The following HIBADH variants were observed in gnomAD, a reference collection of about 807,000 sequenced individuals.
HIBADH encodes the protein 3-hydroxyisobutyrate dehydrogenase, mitochondrial.
HIBADH carries 25 observed loss-of-function variants against 36.1 expected under a neutral mutation model. That is an observed-to-expected ratio of 0.69 (90% CI 0.50 to 0.97). HIBADH has a LOEUF of 0.97. Ranked by LOEUF, HIBADH falls within the 50% of genes least tolerant of loss-of-function variation. The probability of loss-of-function intolerance (pLI) is 0.00; values close to 1 mark genes in which losing one functional copy is unlikely to be tolerated. For missense variants in HIBADH, 421 were observed against 418.0 expected, an observed-to-expected ratio of 1.01 and a Z score of -0.06; for synonymous variants, 160 against 149.5, an observed-to-expected ratio of 1.07 and a Z score of -0.51.
intron 4 of HIBADH, among the ~76,000 whole-genome samples, chr7:27,608,992 T>C (rs1202880377): frequency 6.6e-6 from 1 of 152,214 alleles, no homozygotes; most frequent in Non-Finnish European, 1.5e-5. Context: ...GGTTACTTGA[T>C]TGGAAATTAC....
intron 2 of HIBADH, among the ~76,000 whole-genome samples, chr7:27,642,164 T>TA (rs2128295947): frequency 6.6e-6 from 1 of 152,292 alleles, no homozygotes; most frequent in Non-Finnish European, 1.5e-5. Flanking sequence ...GAAAACCCAG[T>TA]AACTGAGTCT....
At chr7:27,536,289 G>A (rs1241966752) in intron 6 of HIBADH, among the ~76,000 whole-genome samples, 2 of 151,934 alleles carry the variant, frequency 1.3e-5, no homozygotes, top group East Asian at 3.9e-4. Flanking sequence ...ATGAAAATAA[G>A]CAATTCATTG....
intron 4 of HIBADH, among the ~76,000 whole-genome samples, chr7:27,587,644 A>G (rs1457163929): frequency 6.6e-6 from 1 of 151,988 alleles, no homozygotes; most frequent in East Asian, 1.9e-4. Flanking sequence ...TCCTCTCCCC[A>G]CTGCCTATAC....
chr7:27,639,094 T>C lies in HIBADH; in HGVS notation c.253-6649A>G, dbSNP rs181886818. ...CCCAGCAATCCCATTATTGGGTACA[T>C]ACCCAAAGGAATATAAACAGTTCAC... On this transcript the variant is annotated intron_variant, in intron 2 of 7. Transcript: ENST00000265395. 8.3e-4 allele frequency among the ~76,000 whole-genome samples: 126 copies of C among 152,302 alleles called. 1 individual carries two copies. The highest frequency in any genetic ancestry group is 1.4e-3 in the Non-Finnish European group (92 of 68,016).
At chr7:27,609,741 G>A (rs2128291642) in intron 4 of HIBADH, among the ~76,000 whole-genome samples, 1 of 152,148 alleles carries the variant, frequency 6.6e-6, no homozygotes, top group African/African-American at 2.4e-5. Context: ...TCATATAATA[G>A]TCAACGCACT....
At chr7:27,542,090 A>G (rs1457553041) in intron 5 of HIBADH, among the ~76,000 whole-genome samples, 1 of 152,210 alleles carries the variant, frequency 6.6e-6, no homozygotes, top group East Asian at 1.9e-4. Flanking sequence ...AGATTTGTGC[A>G]TATTTATAAA....
At chr7:27,642,092 C>T (rs570144158) in intron 2 of HIBADH, among the ~76,000 whole-genome samples, 1 of 152,264 alleles carries the variant, frequency 6.6e-6, no homozygotes, top group Admixed American at 6.5e-5. Context: ...GGAGCACCGA[C>T]CCAGAACCCA....
chr7:27,573,693 T>G (rs1347374767), intron 4 of HIBADH, among the ~76,000 whole-genome samples: 1 of 152,214 alleles, frequency 6.6e-6, no homozygotes, highest in Non-Finnish European at 1.5e-5. Flanking sequence ...TAAGGCTGTG[T>G]CCTGTCCCAC....
intron 2 of HIBADH, 76 bp downstream of exon 2, chr7:27,649,397 G>C: frequency 8.4e-7 from 1 of 1,187,962 alleles, no homozygotes; most frequent in Non-Finnish European, 1.2e-6. Context: ...ATACTTCTAA[G>C]AAGCTGTCAC....
In HIBADH at chr7:27,622,016, A is replaced by G. The variant is rs537407461; in HGVS notation, c.484+7355T>C. Among the ~76,000 whole-genome samples, 34 of 152,230 alleles carry G rather than the reference A, an allele frequency of 2.2e-4. No individual in the cohort carries two copies. The East Asian group carries it at 6.4e-3, about 29-fold the overall frequency. On this transcript the variant is annotated intron_variant, in intron 4 of 7. Transcript: ENST00000265395. ...CACTTTGGGAGGCCAGCACTTTGGG[A>G]GGCCAAGGTAGGAGGATCACTTGAG...
chr7:27,558,551 T>C (rs1225694615), intron 4 of HIBADH, among the ~76,000 whole-genome samples: 1 of 151,980 alleles, frequency 6.6e-6, no homozygotes, highest in African/African-American at 2.4e-5. Flanking sequence ...GGTCTCAAAC[T>C]CCTAAGCTCA....
intron 4 of HIBADH, among the ~76,000 whole-genome samples, chr7:27,612,770 C>T (rs904169512): frequency 6.7e-6 from 1 of 149,174 alleles, no homozygotes; most frequent in Non-Finnish European, 1.5e-5. Flanking sequence ...CCCATCACTA[C>T]AAAAAAAATT....
chr7:27,537,592 TATA>T (rs1394385970), intron 6 of HIBADH, among the ~76,000 whole-genome samples: 4 of 152,124 alleles, frequency 2.6e-5, no homozygotes, highest in African/African-American at 9.7e-5. Context: ...TTTCATGAAA[TATA>T]AAACATTCAA....
intron 2 of HIBADH, among the ~76,000 whole-genome samples, chr7:27,640,006 C>CA (rs1785932872): frequency 6.6e-6 from 1 of 152,110 alleles, no homozygotes; most frequent in Admixed American, 6.5e-5. Context: ...GTGAGGTTTG[C>CA]AAAATTTATC....
intron 4 of HIBADH, among the ~76,000 whole-genome samples, chr7:27,600,720 C>T (rs1293344104): frequency 1.3e-5 from 2 of 152,074 alleles, no homozygotes; most frequent in African/African-American, 4.8e-5. Context: ...TCAGACACTA[C>T]TTCTAAAACA....
intron 4 of HIBADH, among the ~76,000 whole-genome samples, chr7:27,622,525 A>G (rs936187995): frequency 6.6e-6 from 1 of 152,170 alleles, no homozygotes; most frequent in South Asian, 2.1e-4. Flanking sequence ...AATAAAATTG[A>G]TAAACCATTG....
intron 4 of HIBADH, among the ~76,000 whole-genome samples, chr7:27,573,320 A>ATGTG (rs1784655481): frequency 6.6e-6 from 1 of 152,228 alleles, no homozygotes; most frequent in East Asian, 1.9e-4. Context: ...CCTAGCAATC[A>ATGTG]GATCTGGTAA....
At chr7:27,638,762 GC>G (rs1157641610) in intron 2 of HIBADH, among the ~76,000 whole-genome samples, 1 of 151,866 alleles carries the variant, frequency 6.6e-6, no homozygotes, top group Non-Finnish European at 1.5e-5. Flanking sequence ...CCAAACAACT[GC>G]ATTAAAGAGT....
At chr7:27,574,591 ACTT>A (rs1273699412) in intron 4 of HIBADH, among the ~76,000 whole-genome samples, 1 of 152,162 alleles carries the variant, frequency 6.6e-6, no homozygotes, top group African/African-American at 2.4e-5. Flanking sequence ...GACATGCAAA[ACTT>A]TATTATTGCT....
Sources: allele counts gnomAD v4.1 joint callset (sites outside exome capture counted in the v4.1 genomes callset), GRCh38; gene constraint gnomAD v4.1.1; transcripts MANE v1.5; gene names NCBI Gene and HGNC (gene_info 2026-07-23, HGNC 2026-07-21).